LUZP2: variants seen among roughly 807,000 people sequenced by gnomAD.
LUZP2 encodes leucine zipper protein 2.
LUZP2 carries 52 observed loss-of-function variants against 51.6 expected under a neutral mutation model. That is an observed-to-expected ratio of 1.01 (90% confidence interval 0.81 to 1.27). The LOEUF is 1.27. Ranked by LOEUF, LUZP2 falls within the 50% of genes most tolerant of loss-of-function variation. The pLI, the probability that LUZP2 is intolerant of heterozygous loss-of-function variation, is 0.00. For missense variants in LUZP2, 436 were observed against 395.4 expected (o/e 1.10, Z -0.87); for synonymous variants, 154 against 137.3 (o/e 1.12, Z -0.85).
chr11:24,512,983 C>A (rs1365520669), intron 1 of LUZP2, among the ~76,000 whole-genome samples: 2 of 152,186 alleles, frequency 1.3e-5, no homozygotes, highest in African/African-American at 4.8e-5. Flanking sequence ...GTCTTGAACT[C>A]CTGACCTCAG....
At chr11:24,574,064 C>T (rs1852526850) in intron 1 of LUZP2, among the ~76,000 whole-genome samples, 1 of 151,366 alleles carries the variant, frequency 6.6e-6, no homozygotes. Context: ...TTCCTTCTCT[C>T]TTTCGCTTCT....
At chr11:24,619,859 AT>A (rs1565033637) in intron 1 of LUZP2, among the ~76,000 whole-genome samples, 1 of 152,150 alleles carries the variant, frequency 6.6e-6, no homozygotes, top group Non-Finnish European at 1.5e-5. Flanking sequence ...TTTAAAATGC[AT>A]TTTTTTAATC....
intron 5 of LUZP2, among the ~76,000 whole-genome samples, chr11:24,812,676 G>A (rs180985659): frequency 2.6e-5 from 4 of 152,298 alleles, no homozygotes; most frequent in East Asian, 3.9e-4. Flanking sequence ...CAAGGATTAG[G>A]TATGAAGGGA....
At chr11:24,500,298 G>T (rs561637164) in intron 1 of LUZP2, among the ~76,000 whole-genome samples, 10 of 152,150 alleles carry the variant, frequency 6.6e-5, no homozygotes, top group African/African-American at 2.2e-4. Flanking sequence ...CTCCTGCTTA[G>T]AAAATGCATA....
chr11:24,882,847 GAAAC>G (rs1852519876), intron 5 of LUZP2, among the ~76,000 whole-genome samples: 1 of 118,676 alleles, frequency 8.4e-6, no homozygotes, highest in Non-Finnish European at 1.9e-5. Flanking sequence ...GGGAGAGAGA[GAAAC>G]AAAGATAAAA....
intron 5 of LUZP2, among the ~76,000 whole-genome samples, chr11:24,905,683 G>A (rs559582390): frequency 1.8e-3 from 268 of 152,086 alleles, no homozygotes; most frequent in South Asian, 4.1e-3. Flanking sequence ...AAACACCCAC[G>A]CACAAAATTA....
chr11:24,570,698 T>C (rs1398824397), intron 1 of LUZP2, among the ~76,000 whole-genome samples: 2 of 152,202 alleles, frequency 1.3e-5, no homozygotes, highest in African/African-American at 4.8e-5. Context: ...CACATATTCT[T>C]ATGATTTGCA....
At chr11:24,679,874 G>C (rs2133866583) in intron 1 of LUZP2, among the ~76,000 whole-genome samples, 1 of 152,250 alleles carries the variant, frequency 6.6e-6, no homozygotes, top group East Asian at 1.9e-4. Context: ...CTTATTTGCT[G>C]TTACATACTC....
intron 9 of LUZP2, among the ~76,000 whole-genome samples, chr11:25,018,265 CTT>C (rs1279354250): frequency 1.3e-5 from 2 of 152,054 alleles, no homozygotes; most frequent in African/African-American, 2.4e-5. Flanking sequence ...GAGAGTTTGA[CTT>C]CCTCTTTTCC....
chr11:24,999,679 T>G (rs1475260342), intron 9 of LUZP2, among the ~76,000 whole-genome samples: 1 of 152,162 alleles, frequency 6.6e-6, no homozygotes, highest in Non-Finnish European at 1.5e-5. Flanking sequence ...GGCTACATTT[T>G]AAGTGACACA....
chr11:25,051,358 C>A (rs1008419220), intron 10 of LUZP2, among the ~76,000 whole-genome samples: 1 of 152,008 alleles, frequency 6.6e-6, no homozygotes, highest in African/African-American at 2.4e-5. Flanking sequence ...AACAGTTTTG[C>A]CTTCAACTCT....
At chr11:24,600,889 G>C (rs941053459) in intron 1 of LUZP2, among the ~76,000 whole-genome samples, 1 of 152,082 alleles carries the variant, frequency 6.6e-6, no homozygotes, top group Non-Finnish European at 1.5e-5. Context: ...ATACAATGTC[G>C]TTGGCAGGAT....
chr11:24,591,358 T>G (rs1853254650), intron 1 of LUZP2, among the ~76,000 whole-genome samples: 1 of 152,138 alleles, frequency 6.6e-6, no homozygotes, highest in African/African-American at 2.4e-5. Flanking sequence ...TCTTCTCATA[T>G]CCCACCGCTG....
intron 6 of LUZP2, among the ~76,000 whole-genome samples, chr11:24,908,656 T>C (rs1853533265): frequency 6.6e-6 from 1 of 152,114 alleles, no homozygotes; most frequent in African/African-American, 2.4e-5. Context: ...TAATATATAT[T>C]ATAAAAAAGA....
intron 9 of LUZP2, among the ~76,000 whole-genome samples, chr11:24,990,052 A>G (rs1207940222): frequency 1.3e-5 from 2 of 152,102 alleles, no homozygotes; most frequent in African/African-American, 4.8e-5. Flanking sequence ...ATATTCGTCC[A>G]TCAATATATG....
intron 5 of LUZP2, among the ~76,000 whole-genome samples, chr11:24,782,031 C>T (rs12270328): frequency 0.014 from 2,061 of 152,134 alleles, 53 homozygotes; most frequent in African/African-American, 0.047. Flanking sequence ...TGGGTAGGTG[C>T]TGACTGGCTA....
At chr11:24,910,778 T>C (rs1303968562) in intron 6 of LUZP2, among the ~76,000 whole-genome samples, 1 of 151,858 alleles carries the variant, frequency 6.6e-6, no homozygotes, top group Admixed American at 6.6e-5. Flanking sequence ...CTACACAGAG[T>C]CACCACCGCA....
At chr11:24,659,560 T>G (rs1343415476) in intron 1 of LUZP2, among the ~76,000 whole-genome samples, 1 of 151,864 alleles carries the variant, frequency 6.6e-6, no homozygotes, top group Non-Finnish European at 1.5e-5. Context: ...CCCTAAAACT[T>G]TAAGTATAAT....
chr11:24,682,404 A>G (rs1856764045), intron 1 of LUZP2, among the ~76,000 whole-genome samples: 1 of 151,606 alleles, frequency 6.6e-6, no homozygotes, highest in Admixed American at 6.6e-5. Flanking sequence ...CTGAGGCAGG[A>G]GAATGGCTTG....
Sources: allele counts gnomAD v4.1 joint callset (sites outside exome capture counted in the v4.1 genomes callset), GRCh38; gene constraint gnomAD v4.1.1; transcripts MANE v1.5; gene names NCBI Gene and HGNC (gene_info 2026-07-23, HGNC 2026-07-21).